The following TXNDC11 variants were observed in gnomAD, a reference collection of about 807,000 sequenced individuals.
TXNDC11 encodes thioredoxin domain containing 11, also known as thioredoxin domain-containing protein 11.
A neutral mutation model predicts 78.0 loss-of-function variants in TXNDC11; 68 were observed. That is an observed-to-expected ratio of 0.87 (90% confidence interval 0.72 to 1.07). TXNDC11 has a LOEUF of 1.07. TXNDC11 is among the 50% of genes least tolerant of loss of function. TXNDC11 has a pLI of 0.00. For synonymous variants in TXNDC11, 571 were observed against 495.2 expected (o/e 1.15, Z -2.03); for missense variants, 1,389 against 1,221.8 (o/e 1.14, Z -2.04).
At chr16:11,688,202 C>A in intron 9 of TXNDC11, 101 bp downstream of exon 9, 1 of 1,352,090 alleles carries the variant, frequency 7.4e-7, no homozygotes, top group South Asian at 1.3e-5. Flanking sequence ...CGTGGTTACT[C>A]TTCTATACAT....
Position 11,687,861 on chromosome 16 carries a change from C to A in TXNDC11, c.2149G>T (p.Ala717Ser), listed in dbSNP as rs1316896876. 1 of 1,610,946 alleles carries A rather than the reference C, an allele frequency of 6.2e-7. No individual in the cohort carries two copies. Among genetic ancestry groups the A allele is most frequent in the South Asian group, 1.1e-5 (1 of 90,904 alleles). The change falls in exon 10 of 12, where the codon GCA becomes TCA. Residue 717 changes from alanine to serine, a missense_variant. Physicochemically the swap from Ala to Ser is moderately conservative, Grantham distance 99 (BLOSUM62 1). Coordinates refer to ENST00000283033, the MANE Select transcript of TXNDC11 (RefSeq NM_015914.7). ...CTGCAGAAGAGGCCTGCTTACCTTG[C>A]CACAGTGAATGTGTCCATGGGCAGG... ...RNLPMDTFTV[A>S]RIDVSQNDLP...
intron 5 of TXNDC11, among the ~76,000 whole-genome samples, chr16:11,717,906 G>A (rs1322296081): frequency 6.6e-6 from 1 of 151,862 alleles, no homozygotes; most frequent in Non-Finnish European, 1.5e-5. Context: ...GGTGGACCAA[G>A]GTAAACTGAC....
At chr16:11,718,697 T>G (rs777807516) in intron 5 of TXNDC11, among the ~76,000 whole-genome samples, 2 of 152,118 alleles carry the variant, frequency 1.3e-5, no homozygotes, top group Non-Finnish European at 2.9e-5. Flanking sequence ...CACAAAAAAA[T>G]GGGGTGAAAA....
At chr16:11,699,722 T>C (rs2050958200) in intron 6 of TXNDC11, among the ~76,000 whole-genome samples, 1 of 152,110 alleles carries the variant, frequency 6.6e-6, no homozygotes, top group Non-Finnish European at 1.5e-5. Context: ...GGGGCGCAGG[T>C]TTTAAAGGCT....
In TXNDC11 at chr16:11,688,367, G is replaced by A. The variant is rs199732787; in HGVS notation, c.1979C>T (p.Pro660Leu). ...HLIGSGSAQF[P>L]SQHLITEVTT... is the part of the protein sequence containing the mutation. Reference sequence around the variant, plus strand: ...CACTTCAGTGATTAAATGCTGAGACGGGAACTGGGCAGAGCCACTTCCAAT... The same window carrying A: ...CACTTCAGTGATTAAATGCTGAGACAGGAACTGGGCAGAGCCACTTCCAAT... Residue 660 changes from proline to leucine, a missense_variant, in exon 9 of 12, where the codon CCG becomes CTG. By Grantham distance (98) the Pro-to-Leu change is moderately conservative. Coordinates refer to ENST00000283033, the MANE Select transcript of TXNDC11 (RefSeq NM_015914.7). 2.3e-5 allele frequency: 37 copies of A among 1,614,082 alleles called. No individual in the cohort carries two copies. The highest frequency in any genetic ancestry group is 2.2e-4 in the East Asian group (10 of 44,892).
chr16:11,730,965 G>A (rs1267908064), intron 3 of TXNDC11, among the ~76,000 whole-genome samples, 191 bp from the exon 4 acceptor site: 1 of 152,112 alleles, frequency 6.6e-6, no homozygotes, highest in Admixed American at 6.6e-5. Context: ...AGCATTTTGG[G>A]TGAGGAGAGG....
intron 1 of TXNDC11, among the ~76,000 whole-genome samples, chr16:11,741,335 A>C (rs995193333): frequency 3.9e-5 from 6 of 152,204 alleles, no homozygotes; most frequent in African/African-American, 1.2e-4. Context: ...GGGAGACCAG[A>C]AGTACACCTG....
At chr16:11,702,461 A>G (rs1475850280) in intron 5 of TXNDC11, among the ~76,000 whole-genome samples, 2 of 152,198 alleles carry the variant, frequency 1.3e-5, no homozygotes, top group Non-Finnish European at 2.9e-5. Flanking sequence ...TGAGCTCAGA[A>G]GTTCAAGACC....
intron 5 of TXNDC11, among the ~76,000 whole-genome samples, chr16:11,715,003 C>T (rs1160347777): frequency 6.6e-6 from 1 of 152,148 alleles, no homozygotes; most frequent in Non-Finnish European, 1.5e-5. Context: ...GTAATCCCAG[C>T]ACTTTGGGAG....
At chr16:11,713,022 G>A (rs754115450) in intron 5 of TXNDC11, among the ~76,000 whole-genome samples, 7 of 150,276 alleles carry the variant, frequency 4.7e-5, no homozygotes, top group Non-Finnish European at 8.9e-5. Context: ...CAGGAGAATC[G>A]CTTGAACCCA....
chr16:11,715,462 CAAA>C (rs34233338), intron 5 of TXNDC11, among the ~76,000 whole-genome samples: 6,568 of 135,144 alleles, frequency 0.049, 494 homozygotes, highest in African/African-American at 0.16. Flanking sequence ...CCTGTCACGG[CAAA>C]AAAAAAAAAA....
At chr16:11,694,583 G>C (rs2050810006) in intron 7 of TXNDC11, among the ~76,000 whole-genome samples, 1 of 151,962 alleles carries the variant, frequency 6.6e-6, no homozygotes, top group African/African-American at 2.4e-5. Flanking sequence ...AAGTAGCTGA[G>C]ACTACAGGCG....
intron 2 of TXNDC11, among the ~76,000 whole-genome samples, chr16:11,735,058 C>T (rs1246206929): frequency 6.6e-6 from 1 of 152,194 alleles, no homozygotes; most frequent in East Asian, 1.9e-4. Flanking sequence ...CAGTACCTAG[C>T]TCCATTTTAC....
rs1430679050 is a variant in TXNDC11, at chr16:11,734,026, C to G, written c.525G>C (p.Gln175His). The change falls in exon 3 of 12, where the codon CAG (glutamine) becomes CAC (histidine). Residue 175 changes from glutamine to histidine, a missense_variant. Coordinates refer to ENST00000283033, the MANE Select transcript of TXNDC11 (RefSeq NM_015914.7). ...CWWNQGKCRK[Q>H]KHFFYFPVIY... ...TTACAGGAAAATAAAAGAAGTGTTT[C>G]TGTTTTCTGCATTTCCCCTGGTTCC... 1.2e-6 allele frequency: 2 copies of G among 1,605,870 alleles called. No individual in the cohort carries two copies. Among genetic ancestry groups the G allele is most frequent in the African/African-American group, 2.7e-5 (2 of 74,530 alleles).
intron 5 of TXNDC11, among the ~76,000 whole-genome samples, chr16:11,719,760 C>T (rs1370266857): frequency 6.6e-6 from 1 of 152,034 alleles, no homozygotes; most frequent in East Asian, 1.9e-4. Flanking sequence ...GGGAAAAAGA[C>T]ATTAAATAAA....
intron 2 of TXNDC11, among the ~76,000 whole-genome samples, chr16:11,735,344 T>C (rs1230654909): frequency 6.6e-6 from 1 of 152,194 alleles, no homozygotes; most frequent in Non-Finnish European, 1.5e-5. Context: ...AAAATATATA[T>C]CATTTAGTTA....
chr16:11,704,808 A>G (rs879771875), intron 5 of TXNDC11, among the ~76,000 whole-genome samples: 1 of 152,248 alleles, frequency 6.6e-6, no homozygotes, highest in Non-Finnish European at 1.5e-5. Flanking sequence ...GGGATCCCAG[A>G]CTGGATCCTG....
At chr16:11,727,226 T>A (rs974969351) in intron 4 of TXNDC11, among the ~76,000 whole-genome samples, 1 of 151,794 alleles carries the variant, frequency 6.6e-6, no homozygotes, top group Non-Finnish European at 1.5e-5. Context: ...TTCCTTAAAA[T>A]CCAGATCCTA....
In TXNDC11 at chr16:11,691,810, C is replaced by T; in HGVS notation, c.1380G>A (p.Val460=). The T allele has an allele frequency of 1.2e-6, 2 of 1,614,248 alleles. No individual in the cohort carries two copies. The highest frequency in any genetic ancestry group is 1.7e-6 in the Non-Finnish European group (2 of 1,180,042). ...CCATTTCAAAAAAGCTGCACTGTGGCACGCTGACCGAGCTCGGCTTCATGC... is the reference window on the plus strand; with the variant it reads ...CCATTTCAAAAAAGCTGCACTGTGGTACGCTGACCGAGCTCGGCTTCATGC... ...SGGMKPSSVS[V]PQCSFFEMAA... The change falls in exon 8 of 12, where the codon GTG becomes GTA. Residue 460 remains valine (V), a synonymous_variant. Transcript: ENST00000283033.
Sources: allele counts gnomAD v4.1 joint callset (sites outside exome capture counted in the v4.1 genomes callset), GRCh38; gene constraint gnomAD v4.1.1; transcripts MANE v1.5; gene names NCBI Gene and HGNC (gene_info 2026-07-23, HGNC 2026-07-21).